Variants in ATG7 observed in about 807,000 individuals in gnomAD.
ATG7 encodes the protein autophagy related 7, also known as ubiquitin-like modifier-activating enzyme ATG7.
In ATG7, 70 loss-of-function variants were observed where a neutral mutation model predicts 82.4. The observed-to-expected ratio is 0.85, with a 90% confidence interval of 0.70 to 1.04. The LOEUF (loss-of-function observed/expected upper bound fraction) is 1.04. ATG7 is among the 50% of genes least tolerant of loss of function. The pLI is 0.00. For synonymous variants in ATG7, 287 were observed against 313.0 expected, an observed-to-expected ratio of 0.92 and a Z score of 0.88; for missense variants, 792 against 864.3, an observed-to-expected ratio of 0.92 and a Z score of 1.05.
rs1266703349 is a variant in ATG7, at chr3:11,303,256, AAAG to A, written c.216-3682_216-3680del. Among the ~76,000 whole-genome samples the A allele has an allele frequency of 3.9e-5, 6 of 152,358 alleles. No homozygotes were observed. In the East Asian group the frequency reaches 1.2e-3, roughly 29 times the overall value. ...GAACTCGTGGCCTCACTTGTCTTGC[AAAG>A]AAGACTGGGAAGCGTGGAACCCAGC... On this transcript the variant is annotated intron_variant, in intron 5 of 20. Coordinates refer to ENST00000693202, the MANE Select transcript of ATG7 (RefSeq NM_001349232.2).
At chr3:11,305,712 G>A (rs977882338) in intron 5 of ATG7, among the ~76,000 whole-genome samples, 1 of 152,158 alleles carries the variant, frequency 6.6e-6, no homozygotes, top group African/African-American at 2.4e-5. Context: ...CCAAGAGAAG[G>A]TTCTGGCCAT....
chr3:11,403,350 T>A (rs2080025983), intron 19 of ATG7, among the ~76,000 whole-genome samples: 1 of 147,418 alleles, frequency 6.8e-6, no homozygotes, highest in Non-Finnish European at 1.5e-5. Flanking sequence ...TTTTTTTTAA[T>A]CTCTTAAGGG....
intron 20 of ATG7, among the ~76,000 whole-genome samples, chr3:11,516,775 A>G (rs1042861442): frequency 2.6e-5 from 4 of 152,216 alleles, no homozygotes; most frequent in Non-Finnish European, 4.4e-5. Flanking sequence ...GACATGGAGA[A>G]AGTTTAAATG....
intron 3 of ATG7, among the ~76,000 whole-genome samples, chr3:11,291,195 A>G (rs2152674005): frequency 6.6e-6 from 1 of 152,324 alleles, no homozygotes; most frequent in East Asian, 1.9e-4. Flanking sequence ...TAGGGACTTG[A>G]TGATCTGTCA....
At chr3:11,574,919 T>C in the ATG7 span, among the ~76,000 whole-genome samples, 1,996 of 150,134 alleles carry the variant, frequency 0.013, 52 homozygotes, top group African/African-American at 0.045. Context: ...TGCGCCTACA[T>C]ACAAAAGGGA....
downstream of ATG7, among the ~76,000 whole-genome samples, chr3:11,561,433 T>C (rs1321423943): frequency 6.6e-6 from 1 of 152,122 alleles, no homozygotes; most frequent in East Asian, 1.9e-4. Flanking sequence ...CCTTAACCGG[T>C]CACCTGCAGA....
intron 3 of ATG7, among the ~76,000 whole-genome samples, chr3:11,285,173 T>A (rs1159057222): frequency 7.1e-6 from 1 of 141,430 alleles, no homozygotes; most frequent in Non-Finnish European, 1.5e-5. Flanking sequence ...AGCCCGGCCT[T>A]TTTTTTTTTT....
At chr3:11,371,717 C>T (rs2077007648) in intron 18 of ATG7, among the ~76,000 whole-genome samples, 1 of 151,204 alleles carries the variant, frequency 6.6e-6, no homozygotes, top group South Asian at 2.1e-4. Flanking sequence ...AACATGGCTT[C>T]TTGATAGCAT....
intron 1 of ATG7, among the ~76,000 whole-genome samples, chr3:11,277,857 G>A (rs71316462): frequency 0.19 from 26,483 of 138,966 alleles, 2,865 homozygotes; most frequent in South Asian, 0.34. Context: ...TCTCAACTGC[G>A]TAAGACAGAC....
At chr3:11,560,721 C>G (rs1348900593), downstream of ATG7, among the ~76,000 whole-genome samples, 2 of 152,200 alleles carry the variant, frequency 1.3e-5, no homozygotes, top group East Asian at 1.9e-4. Flanking sequence ...AGCAGACCAA[C>G]CAAGAATTCA....
In ATG7 at chr3:11,410,268, T is replaced by C. The variant is rs149395919; in HGVS notation, c.1957-16536T>C. Among the ~76,000 whole-genome samples the C allele has an allele frequency of 5.6e-4, 85 of 152,368 alleles. 1 individual carries two copies. Among genetic ancestry groups the C allele is most frequent in the Non-Finnish European group, 2.5e-4 (17 of 68,042 alleles). On this transcript the variant is annotated intron_variant, in intron 19 of 20. Transcript: ENST00000693202. ...AGTAGTTCTCCATATGTACATCTTG[T>C]ACACATTTTGTTAGATTTGTACCTA...
At chr3:11,530,676 A>C (rs958902813) in intron 20 of ATG7, among the ~76,000 whole-genome samples, 3 of 152,064 alleles carry the variant, frequency 2.0e-5, no homozygotes, top group Admixed American at 1.3e-4. Context: ...CTTCTTAATA[A>C]TAAATAATAA....
intron 20 of ATG7, among the ~76,000 whole-genome samples, chr3:11,434,796 C>G (rs7620624): frequency 0.83 from 126,719 of 152,184 alleles, 52,926 homozygotes; most frequent in East Asian, 1. Flanking sequence ...GAAGTCTAAG[C>G]GAGAAAGAAG....
At chr3:11,569,165 G>A in the ATG7 span, among the ~76,000 whole-genome samples, 2 of 152,324 alleles carry the variant, frequency 1.3e-5, no homozygotes, top group South Asian at 4.1e-4. Context: ...ATTAAAATGA[G>A]TTTCCCACCC....
At chr3:11,560,409 C>A (rs1433968633), downstream of ATG7, among the ~76,000 whole-genome samples, 2 of 152,222 alleles carry the variant, frequency 1.3e-5, no homozygotes, top group Non-Finnish European at 2.9e-5. Flanking sequence ...CAGCAAGGAG[C>A]TGGTTGAAAT....
At chr3:11,467,250 C>T (rs2086926516) in intron 20 of ATG7, among the ~76,000 whole-genome samples, 1 of 152,220 alleles carries the variant, frequency 6.6e-6, no homozygotes, top group Non-Finnish European at 1.5e-5. Context: ...ACTCTGGAGT[C>T]AGACCAACCT....
In ATG7 at chr3:11,557,096, T is replaced by C. The variant is rs938667201; in HGVS notation, c.*2253T>C. 2 of 152,488 alleles carry C rather than the reference T, an allele frequency of 1.3e-5. No homozygotes were observed. The highest frequency in any genetic ancestry group is 4.8e-5 in the African/African-American group (2 of 41,444). 9.4% of individuals were successfully genotyped at this position (152,488 alleles called of 1,614,324 possible). A position where few individuals can be genotyped will look rare whatever the true frequency, so the allele number is the denominator to read the frequency against. ...GTCAGGTGCCATCGTCGTGAGCCTC[T>C]GGTGGGCCAGGTGGGACACAGCACA... On this transcript the variant is annotated 3_prime_UTR_variant, in exon 21 of 21. Transcript: ENST00000693202.
At chr3:11,442,226 A>G (rs528167868) in intron 20 of ATG7, among the ~76,000 whole-genome samples, 2 of 152,282 alleles carry the variant, frequency 1.3e-5, no homozygotes, top group Admixed American at 1.3e-4. Context: ...GCCCAGAAAC[A>G]GGGTGGTCTT....
At chr3:11,493,647 C>T (rs1186582283) in intron 20 of ATG7, among the ~76,000 whole-genome samples, 1 of 152,118 alleles carries the variant, frequency 6.6e-6, no homozygotes, top group African/African-American at 2.4e-5. Flanking sequence ...GAGATCAGGA[C>T]AGATAAGAGT....
Sources: gnomAD v4.1 joint callset for allele counts (sites outside exome capture counted in the v4.1 genomes callset) on GRCh38, gnomAD v4.1.1 for gene constraint, MANE v1.5 for transcripts, NCBI Gene and HGNC (gene_info 2026-07-23, HGNC 2026-07-21) for gene names.